RIMBP2: variants seen among roughly 807,000 people sequenced by gnomAD.
RIMBP2 encodes RIMS binding protein 2.
A neutral mutation model predicts 118.6 loss-of-function variants in RIMBP2; 48 were observed. The ratio of observed to expected loss-of-function variants is 0.40; its 90% CI spans 0.32 to 0.51. The LOEUF is 0.51. Among genes scored for constraint, RIMBP2 ranks in the 20% least tolerant of loss-of-function variants. The pLI is 0.41. For synonymous variants in RIMBP2, 762 were observed against 742.9 expected (o/e 1.03, Z -0.42); for missense variants, 1,551 against 1,768.3 (o/e 0.88, Z 2.20).
In RIMBP2 at chr12:130,447,037, G is replaced by A. The variant is rs147073542; in HGVS notation, c.582-1768C>T. On this transcript the variant is annotated intron_variant, in intron 9 of 22. Transcript: ENST00000690449. This position sits in a 1 kb window ranked among gnomAD's most constrained non-coding sequence, Gnocchi z 4.4. ...ATCTGCAGGGGGGTCTGGATGGGTA[G>A]ATGGCCGAGACACAGAAGCTGGCAG... Among the ~76,000 whole-genome samples the A allele has an allele frequency of 2.4e-4, 37 of 151,832 alleles. No homozygotes were observed. Among genetic ancestry groups the A allele is most frequent in the African/African-American group, 8.7e-4 (36 of 41,362 alleles).
intron 1 of RIMBP2, among the ~76,000 whole-genome samples, chr12:130,687,574 G>A (rs1245112031): frequency 6.6e-6 from 1 of 152,126 alleles, no homozygotes; most frequent in Non-Finnish European, 1.5e-5. Flanking sequence ...TTGTTTCTTT[G>A]GGTAAAGCTT....
chr12:130,619,376 T>C (rs1005644629), intron 2 of RIMBP2, among the ~76,000 whole-genome samples: 1 of 152,158 alleles, frequency 6.6e-6, no homozygotes, highest in Admixed American at 6.5e-5. Flanking sequence ...TTCCCTCACC[T>C]CTTCCAGGAC....
chr12:130,601,324 A>T (rs1263556097), intron 2 of RIMBP2, among the ~76,000 whole-genome samples: 1 of 135,354 alleles, frequency 7.4e-6, no homozygotes, highest in Non-Finnish European at 1.5e-5. Flanking sequence ...GATGGGGTCA[A>T]AGAGGGCAGG....
intron 14 of RIMBP2, among the ~76,000 whole-genome samples, chr12:130,430,855 T>G (rs1440656422): frequency 6.6e-6 from 1 of 152,054 alleles, no homozygotes; most frequent in Non-Finnish European, 1.5e-5. Flanking sequence ...GGTCTCAAAC[T>G]CCTGACCTCA....
At position 130,424,690 on chromosome 12, in the gene RIMBP2, T is replaced by C. The variant is rs1486595760; in HGVS notation, c.2581A>G (p.Thr861Ala). ...QGAGPSPRAR[T>A]GLAREPRPGR... is the part of the protein sequence containing the mutation. Reference sequence around the variant, plus strand: ...GGCCTGGGCTCTCTGGCCAGCCCCGTCCTGGCCCTGGGGGACGGCCCTGCA... The same window carrying C: ...GGCCTGGGCTCTCTGGCCAGCCCCGCCCTGGCCCTGGGGGACGGCCCTGCA... The change falls in exon 16 of 23, where the codon ACG becomes GCG. Residue 861 changes from threonine to alanine, a missense_variant. Coordinates refer to ENST00000690449, the MANE Select transcript of RIMBP2 (RefSeq NM_001393629.1). This position sits in a 1 kb window ranked among gnomAD's most constrained non-coding sequence, Gnocchi z 9.8. 2.4e-6 allele frequency: 3 copies of C among 1,231,786 alleles called. No individual in the cohort carries two copies. Among genetic ancestry groups the C allele is most frequent in the Admixed American group, 8.4e-5 (2 of 23,700 alleles). 76.3% of individuals were successfully genotyped at this position (1,231,786 alleles called of 1,614,324 possible).
intron 1 of RIMBP2, among the ~76,000 whole-genome samples, chr12:130,650,931 C>T (rs1244050763): frequency 1.3e-5 from 1 of 75,296 alleles, no homozygotes; most frequent in African/African-American, 5.1e-5. Context: ...TTTTCTTGAA[C>T]AAAAATTTAC....
chr12:130,577,165 C>G (rs565543192), intron 2 of RIMBP2, among the ~76,000 whole-genome samples: 35 of 152,252 alleles, frequency 2.3e-4, no homozygotes, highest in African/African-American at 7.2e-4. Context: ...TGTACATGTG[C>G]CTCAAGCTCT....
chr12:130,401,074 A>ATACTT (rs1378008022), intron 21 of RIMBP2, among the ~76,000 whole-genome samples: 12 of 152,224 alleles, frequency 7.9e-5, no homozygotes, highest in African/African-American at 2.7e-4. Flanking sequence ...CAATGTAAAC[A>ATACTT]TACTTAACAC....
intron 1 of RIMBP2, among the ~76,000 whole-genome samples, chr12:130,682,815 G>A (rs139168375): frequency 7.2e-5 from 11 of 152,336 alleles, no homozygotes; most frequent in East Asian, 3.9e-4. Context: ...GGCCAAAGCC[G>A]TGCTCACAAG....
At chr12:130,462,131 G>C (rs890443390) in intron 6 of RIMBP2, among the ~76,000 whole-genome samples, 1 of 152,212 alleles carries the variant, frequency 6.6e-6, no homozygotes, top group African/African-American at 2.4e-5. Flanking sequence ...TGGGGGGTCA[G>C]GTTGGATCAA....
At chr12:130,672,063 A>G (rs1159910369) in intron 1 of RIMBP2, among the ~76,000 whole-genome samples, 2 of 152,114 alleles carry the variant, frequency 1.3e-5, no homozygotes, top group Non-Finnish European at 2.9e-5. Context: ...ACATTCTTAC[A>G]TTTCCCACCT....
In RIMBP2 at chr12:130,623,882, G is replaced by A. The variant is rs995482016; in HGVS notation, c.-217+4440C>T. 2.6e-5 allele frequency among the ~76,000 whole-genome samples: 4 copies of A among 152,196 alleles called. No individual in the cohort carries two copies. Among genetic ancestry groups the A allele is most frequent in the Admixed American group, 6.5e-5 (1 of 15,280 alleles). ...ACCACAGTCTCCCAGAGGTTCCACA[G>A]CAGGATTGAGTCCCCATCACCCACA... is the stretch of plus-strand genomic sequence containing the variant. On this transcript the variant is annotated intron_variant, in intron 2 of 22. Coordinates refer to ENST00000690449, the MANE Select transcript of RIMBP2 (RefSeq NM_001393629.1). This position sits in a 1 kb window ranked among gnomAD's most constrained non-coding sequence, Gnocchi z 4.1.
chr12:130,439,405 ATATATGTG>A (rs1566037582), intron 11 of RIMBP2, among the ~76,000 whole-genome samples: 1 of 144,286 alleles, frequency 6.9e-6, no homozygotes, highest in East Asian at 2.1e-4. Context: ...ATGTGTATGT[ATATATGTG>A]TATATGGGTA....
intron 1 of RIMBP2, among the ~76,000 whole-genome samples, chr12:130,638,677 T>G (rs1328887596): frequency 6.6e-6 from 1 of 152,146 alleles, no homozygotes; most frequent in African/African-American, 2.4e-5. Flanking sequence ...ATCTGTTGTC[T>G]TCTATGAAAC....
intron 4 of RIMBP2, among the ~76,000 whole-genome samples, chr12:130,483,664 CCCCCGT>C (rs1324163244): frequency 2.0e-3 from 296 of 149,182 alleles, no homozygotes; most frequent in African/African-American, 6.9e-3. Context: ...GTGCCCAGAG[CCCCCGT>C]CCCCACCTAG....
chr12:130,646,769 T>A (rs1358952216), intron 1 of RIMBP2, among the ~76,000 whole-genome samples: 1 of 152,240 alleles, frequency 6.6e-6, no homozygotes, highest in East Asian at 1.9e-4. Flanking sequence ...CAGGGGCGAA[T>A]GATTTATTGC....
In RIMBP2 at chr12:130,424,180, G is replaced by A; in HGVS notation, c.3091C>T (p.His1031Tyr). The A allele has an allele frequency of 8.1e-7, 1 of 1,232,058 alleles. No homozygotes were observed. Among genetic ancestry groups the A allele is most frequent in the Non-Finnish European group, 1.0e-6 (1 of 987,956 alleles). The allele number at this position is 1,232,058 out of a possible 1,614,324, so 76.3% of individuals were successfully genotyped here. Residue 1031 changes from histidine to tyrosine, a missense_variant, in exon 16 of 23, where the codon CAC (histidine) becomes TAC (tyrosine). His to Tyr is a moderately conservative substitution (Grantham distance 83, BLOSUM62 2). Transcript: ENST00000690449. This position sits in a 1 kb window ranked among gnomAD's most constrained non-coding sequence, Gnocchi z 9.8. Reference sequence around the variant, plus strand: ...GCGACTCTGGGAGGTGGCTTTGCGTGGGGGGCAGCTGCCCTACTGTCGGGC... The same window carrying A: ...GCGACTCTGGGAGGTGGCTTTGCGTAGGGGGCAGCTGCCCTACTGTCGGGC... ...TMPDSRAAAP[H>Y]AKPPPRVAQG... is the part of the protein sequence containing the mutation.
chr12:130,481,667 G>A (rs374395917), intron 4 of RIMBP2, among the ~76,000 whole-genome samples: 5 of 152,204 alleles, frequency 3.3e-5, no homozygotes, highest in Admixed American at 6.5e-5. Context: ...CGGGTGTCGC[G>A]GTCAGTGGCC....
chr12:130,456,411 C>G, intron 7 of RIMBP2, 85 bp downstream of exon 7: 2 of 1,247,084 alleles, frequency 1.6e-6, no homozygotes, highest in Non-Finnish European at 2.2e-6. Flanking sequence ...TGTCACCAAA[C>G]CGATTTCACC....
Sources: gnomAD v4.1 joint callset for allele counts (sites outside exome capture counted in the v4.1 genomes callset) on GRCh38, gnomAD v4.1.1 for gene constraint, Gnocchi (gnomAD v3.1) non-coding constraint, MANE v1.5 for transcripts, NCBI Gene and HGNC (gene_info 2026-07-23, HGNC 2026-07-21) for gene names.